Variants in FDFT1 observed in about 807,000 individuals in gnomAD.
FDFT1 encodes the protein squalene synthase.
Under a neutral mutation model 46.8 loss-of-function variants are expected in FDFT1, and 68 were observed. The ratio of observed to expected loss-of-function variants is 1.45; its 90% CI spans 1.19 to 1.78. The LOEUF (loss-of-function observed/expected upper bound fraction) is 1.78. Among genes scored for constraint, FDFT1 ranks in the 40% most tolerant of loss-of-function variants. The pLI, the probability that FDFT1 is intolerant of heterozygous loss-of-function variation, is 0.00. For missense variants in FDFT1, 928 were observed against 524.4 expected, an observed-to-expected ratio of 1.77 and a Z score of -7.52; for synonymous variants, 351 against 185.1, an observed-to-expected ratio of 1.90 and a Z score of -7.28.
At chr8:11,808,453 C>G (rs992216099) in intron 1 of FDFT1, 1 of 1,269,794 alleles carries the variant, frequency 7.9e-7, no homozygotes, top group Non-Finnish European at 9.9e-7. Flanking sequence ...TCCCGCCCCT[C>G]GTCGGGCGCT....
At chr8:11,802,502 C>T (rs1271798542), upstream of FDFT1, 24 of 500,726 alleles carry the variant, frequency 4.8e-5, no homozygotes, top group African/African-American at 1.2e-4. Context: ...GCACCAATCC[C>T]GCTCGTCGGC....
intron 7 of FDFT1, among the ~76,000 whole-genome samples, chr8:11,832,576 A>AAAAAAAAAAAAAAAT (rs139242873): frequency 1.4e-4 from 19 of 134,844 alleles, no homozygotes; most frequent in Non-Finnish European, 1.9e-4. Context: ...AAAAAAAAAA[A>AAAAAAAAAAAAAAAT]GTCTTAGAGA....
intron 5 of FDFT1, among the ~76,000 whole-genome samples, chr8:11,829,870 CG>C (rs1450962490): frequency 3.3e-5 from 5 of 151,654 alleles, no homozygotes; most frequent in Non-Finnish European, 5.9e-5. Context: ...GTTTTTGTGA[CG>C]GAGTCTCACT....
Position 11,838,405 on chromosome 8 carries a change from C to T in FDFT1, c.1050C>T (p.Pro350=), listed in dbSNP as rs781251270. ...TTTAACAGATTTATCATAGAATCCC[C>T]GACTCAGACCCATCTTCTAGCAAAA... ...QYMEEIYHRI[P]DSDPSSSKTR... The change falls in exon 8 of 8, where the codon CCC becomes CCT. Residue 350 remains proline, a synonymous_variant. Transcript: ENST00000220584. The T allele has an allele frequency of 3.1e-5, 50 of 1,613,372 alleles. No homozygotes were observed. Among genetic ancestry groups the T allele is most frequent in the East Asian group, 1.8e-4 (8 of 44,882 alleles).
chr8:11,826,120 C>T lies in FDFT1; in HGVS notation c.607C>T (p.Arg203Cys), dbSNP rs544013339. 2.4e-5 allele frequency: 39 copies of T among 1,609,224 alleles called. No individual in the cohort carries two copies. The highest frequency in any genetic ancestry group is 9.9e-5 in the South Asian group (9 of 90,692). Residue 203 changes from arginine to cysteine, a missense_variant, in exon 5 of 8, where the codon CGT becomes TGT. Arg to Cys is a radical substitution (Grantham distance 180). Coordinates refer to ENST00000220584, the MANE Select transcript of FDFT1 (RefSeq NM_004462.5). ...CCCCTTAGTTGGTGAAGATACAGAACGTGCCAACTCTATGGGCCTGTTTTT... is the reference window on the plus strand; with the variant it reads ...CCCCTTAGTTGGTGAAGATACAGAATGTGCCAACTCTATGGGCCTGTTTTT... ...EDPLVGEDTE[R>C]ANSMGLFLQK...
chr8:11,816,980 A>G (rs919506508), intron 3 of FDFT1, among the ~76,000 whole-genome samples: 3 of 152,212 alleles, frequency 2.0e-5, no homozygotes, highest in Admixed American at 6.5e-5. Context: ...GTTTTTGCCC[A>G]TTCAGTATGA....
At chr8:11,801,317 C>T (rs1480125155), upstream of FDFT1, among the ~76,000 whole-genome samples, 21 of 152,188 alleles carry the variant, frequency 1.4e-4, no homozygotes, top group Admixed American at 1.4e-3. Flanking sequence ...ACGTACCTGA[C>T]AGGTTTCCTG....
intron 3 of FDFT1, among the ~76,000 whole-genome samples, chr8:11,821,540 G>C (rs969054937): frequency 2.0e-5 from 3 of 152,194 alleles, no homozygotes; most frequent in Non-Finnish European, 2.9e-5. Context: ...GCAGTGAGCT[G>C]AGATCGTGCC....
chr8:11,832,431 T>G (rs1810930390), intron 7 of FDFT1, among the ~76,000 whole-genome samples: 1 of 151,200 alleles, frequency 6.6e-6, no homozygotes, highest in Admixed American at 6.6e-5. Context: ...ACGCCTGTGG[T>G]CCCAGCTACT....
chr8:11,806,971 A>T (rs1806927229), intron 1 of FDFT1, among the ~76,000 whole-genome samples: 2 of 152,154 alleles, frequency 1.3e-5, no homozygotes, highest in African/African-American at 4.8e-5. Context: ...GGATTATGTG[A>T]TTTAAAAGAT....
At chr8:11,837,075 G>A (rs1811639137) in intron 7 of FDFT1, among the ~76,000 whole-genome samples, 2 of 152,244 alleles carry the variant, frequency 1.3e-5, no homozygotes. Flanking sequence ...AGGTTTTCTA[G>A]AAGGCATAAT....
intron 1 of FDFT1, chr8:11,807,816 T>C (rs566286402): frequency 6.6e-6 from 1 of 152,326 alleles, no homozygotes; most frequent in Admixed American, 6.5e-5. Context: ...ATAGGTGTCA[T>C]AGAAAAACCA....
intron 1 of FDFT1, among the ~76,000 whole-genome samples, chr8:11,804,896 A>G (rs1173961163): frequency 1.4e-5 from 2 of 145,476 alleles, no homozygotes; most frequent in East Asian, 4.0e-4. Flanking sequence ...GGCGTGAGCC[A>G]CTGCACCCGG....
intron 3 of FDFT1, among the ~76,000 whole-genome samples, chr8:11,821,074 A>C (rs1219181268): frequency 6.6e-6 from 1 of 152,206 alleles, no homozygotes; most frequent in African/African-American, 2.4e-5. Context: ...TACTTGTTAC[A>C]TAGGAAGTGC....
intron 3 of FDFT1, among the ~76,000 whole-genome samples, chr8:11,812,758 G>C (rs914023368): frequency 6.6e-6 from 1 of 152,180 alleles, no homozygotes; most frequent in African/African-American, 2.4e-5. Flanking sequence ...TTCTAACCCA[G>C]TGACTTCCGC....
upstream of FDFT1, among the ~76,000 whole-genome samples, chr8:11,800,906 G>C (rs973188055): frequency 3.3e-5 from 5 of 152,182 alleles, no homozygotes; most frequent in Non-Finnish European, 7.3e-5. Flanking sequence ...TGGGGAGTGG[G>C]AGGGCTGTCC....
chr8:11,802,137 G>A (rs902574478), upstream of FDFT1: 8 of 453,784 alleles, frequency 1.8e-5, no homozygotes, highest in African/African-American at 1.0e-4. Context: ...TGAAGCTCCA[G>A]GAGTGTGTGG....
intron 3 of FDFT1, among the ~76,000 whole-genome samples, chr8:11,814,239 C>T (rs945501395): frequency 6.6e-6 from 1 of 151,136 alleles, no homozygotes; most frequent in African/African-American, 2.4e-5. Flanking sequence ...TTGGCTTGAA[C>T]AGCTGTTGTG....
chr8:11,824,982 G>A (rs1490331363), intron 4 of FDFT1, among the ~76,000 whole-genome samples: 17 of 151,952 alleles, frequency 1.1e-4, no homozygotes, highest in South Asian at 4.2e-4. Flanking sequence ...TGATCCGCCC[G>A]TCTCAGCTTC....
Sources: allele counts gnomAD v4.1 joint callset (sites outside exome capture counted in the v4.1 genomes callset), GRCh38; gene constraint gnomAD v4.1.1; transcripts MANE v1.5; gene names NCBI Gene and HGNC (gene_info 2026-07-23, HGNC 2026-07-21).